PELI2: variants seen among roughly 807,000 people sequenced by gnomAD.
PELI2 encodes the protein pellino E3 ubiquitin protein ligase family member 2.
Under a neutral mutation model 42.3 loss-of-function variants are expected in PELI2, and 23 were observed. That is an observed-to-expected ratio of 0.54 (90% CI 0.39 to 0.77). The LOEUF (loss-of-function observed/expected upper bound fraction) is 0.77. Among genes scored for constraint, PELI2 ranks in the 30% least tolerant of loss-of-function variants. The pLI, the probability that PELI2 is intolerant of heterozygous loss-of-function variation, is 0.00. For synonymous variants in PELI2, 245 were observed against 212.2 expected (o/e 1.15, Z -1.34); for missense variants, 463 against 553.2 (o/e 0.84, Z 1.64).
At chr14:56,245,798 A>G (rs1044877020) in intron 2 of PELI2, among the ~76,000 whole-genome samples, 8 of 152,388 alleles carry the variant, frequency 5.2e-5, no homozygotes, top group Non-Finnish European at 1.2e-4. Flanking sequence ...TTGTATATCA[A>G]TAAGCATAAT....
At chr14:56,186,165 C>A (rs969322672) in intron 2 of PELI2, among the ~76,000 whole-genome samples, 1 of 152,088 alleles carries the variant, frequency 6.6e-6, no homozygotes, top group African/African-American at 2.4e-5. Context: ...GAGAGGGACT[C>A]CACCTGCTGC....
chr14:56,143,054 T>G (rs891785003), intron 1 of PELI2, among the ~76,000 whole-genome samples: 2 of 152,206 alleles, frequency 1.3e-5, no homozygotes, highest in Non-Finnish European at 2.9e-5. Flanking sequence ...AATCCTTTTT[T>G]TTTGGTTCCA....
chr14:56,202,167 T>C (rs999450333), intron 2 of PELI2, among the ~76,000 whole-genome samples: 18 of 152,228 alleles, frequency 1.2e-4, no homozygotes, highest in African/African-American at 4.1e-4. Context: ...TTTGTTGTTG[T>C]TGTTGTTGTT....
At chr14:56,172,679 G>A (rs575041625) in intron 1 of PELI2, among the ~76,000 whole-genome samples, 41 of 152,290 alleles carry the variant, frequency 2.7e-4, no homozygotes, top group Admixed American at 5.2e-4. Context: ...ATGGGTGTGG[G>A]TACTTTTCAA....
At chr14:56,126,105 CTTTTT>C (rs1282619616) in intron 1 of PELI2, among the ~76,000 whole-genome samples, 1 of 152,268 alleles carries the variant, frequency 6.6e-6, no homozygotes, top group Non-Finnish European at 1.5e-5. Context: ...GTTTGTTTTT[CTTTTT>C]GTCAGTCACC....
intron 2 of PELI2, among the ~76,000 whole-genome samples, chr14:56,215,949 A>G (rs1886893281): frequency 1.3e-5 from 2 of 152,244 alleles, no homozygotes; most frequent in African/African-American, 4.8e-5. Flanking sequence ...TGGAATATAT[A>G]TCACATTTAA....
chr14:56,266,037 T>TA (rs1269633072), intron 2 of PELI2, among the ~76,000 whole-genome samples: 3 of 151,968 alleles, frequency 2.0e-5, no homozygotes, highest in African/African-American at 7.2e-5. Context: ...TACTCTGCAA[T>TA]AAAAAAGCAG....
Position 56,268,373 on chromosome 14 carries a change from A to C in PELI2, c.208-11303A>C, listed in dbSNP as rs1235237644. ...AGAAGTAAATGTAGGATGTCACAGC[A>C]GGTGATTCATATGCATCCTTTAAAG... On this transcript the variant is annotated intron_variant, in intron 2 of 5. Transcript: ENST00000267460. 1.3e-5 allele frequency among the ~76,000 whole-genome samples: 2 copies of C among 152,210 alleles called. 1 individual carries two copies. The highest frequency in any genetic ancestry group is 2.9e-5 in the Non-Finnish European group (2 of 68,038).
At chr14:56,274,690 G>A (rs1300131277) in intron 2 of PELI2, among the ~76,000 whole-genome samples, 1 of 152,146 alleles carries the variant, frequency 6.6e-6, no homozygotes, top group African/African-American at 2.4e-5. Context: ...AGTTCTAACT[G>A]TTCTCATCCC....
chr14:56,164,101 G>A (rs189899549), intron 1 of PELI2, among the ~76,000 whole-genome samples: 5 of 152,050 alleles, frequency 3.3e-5, no homozygotes, highest in East Asian at 3.9e-4. Context: ...TAATGGTGGC[G>A]ACAGTGGGCA....
chr14:56,194,671 C>T (rs558859921), intron 2 of PELI2, among the ~76,000 whole-genome samples: 3 of 152,312 alleles, frequency 2.0e-5, no homozygotes, highest in South Asian at 2.1e-4. Flanking sequence ...CCCTTCACCC[C>T]GCTGAAAAGC....
chr14:56,146,419 C>T (rs1884119110), intron 1 of PELI2, among the ~76,000 whole-genome samples: 1 of 152,152 alleles, frequency 6.6e-6, no homozygotes, highest in Non-Finnish European at 1.5e-5. Flanking sequence ...CTTGGCGATG[C>T]ATTGGTTCAG....
chr14:56,192,793 G>C lies in PELI2; in HGVS notation c.207+14329G>C, dbSNP rs114662518. On this transcript the variant is annotated intron_variant, in intron 2 of 5. Transcript: ENST00000267460. ...TGTAAATCTTTAAGAATGGCACCTG[G>C]TGTGTTGTAAATGCTCAACAAATGT... is the stretch of plus-strand genomic sequence containing the variant. Among the ~76,000 whole-genome samples the C allele has an allele frequency of 7.3e-3, 1,114 of 152,292 alleles. 18 individuals are homozygous for C. Among genetic ancestry groups the C allele is most frequent in the African/African-American group, 0.025 (1,053 of 41,562 alleles).
intron 2 of PELI2, among the ~76,000 whole-genome samples, chr14:56,221,584 T>G (rs965820276): frequency 3.3e-5 from 5 of 152,236 alleles, no homozygotes; most frequent in African/African-American, 1.2e-4. Context: ...CTTATCACGA[T>G]GAGAGACTAG....
chr14:56,126,331 T>A (rs1883258535), intron 1 of PELI2, among the ~76,000 whole-genome samples: 1 of 152,178 alleles, frequency 6.6e-6, no homozygotes, highest in Non-Finnish European at 1.5e-5. Context: ...CAGGGGGCAT[T>A]TTCAGCAGCA....
intron 1 of PELI2, among the ~76,000 whole-genome samples, chr14:56,172,530 A>G (rs1885216664): frequency 6.6e-6 from 1 of 152,152 alleles, no homozygotes; most frequent in Non-Finnish European, 1.5e-5. Context: ...TTGATAGGAG[A>G]GCGGCTGGGA....
chr14:56,128,653 G>T (rs17091062), intron 1 of PELI2, among the ~76,000 whole-genome samples: 11,115 of 152,110 alleles, frequency 0.073, 548 homozygotes, highest in East Asian at 0.23. Flanking sequence ...ACCTTGAGGG[G>T]TATGGCTGGA....
intron 1 of PELI2, among the ~76,000 whole-genome samples, chr14:56,167,168 C>T (rs1387936109): frequency 1.3e-5 from 2 of 152,172 alleles, no homozygotes; most frequent in African/African-American, 4.8e-5. Flanking sequence ...ATTAAATCTG[C>T]TTAGTGTTCT....
At chr14:56,125,306 CT>C (rs1392946359) in intron 1 of PELI2, among the ~76,000 whole-genome samples, 1 of 150,162 alleles carries the variant, frequency 6.7e-6, no homozygotes, top group African/African-American at 2.5e-5. Flanking sequence ...TGGAGCTTAC[CT>C]TTTTTTGAGA....
Sources: allele counts gnomAD v4.1 joint callset (sites outside exome capture counted in the v4.1 genomes callset), GRCh38; gene constraint gnomAD v4.1.1; transcripts MANE v1.5; gene names NCBI Gene and HGNC (gene_info 2026-07-23, HGNC 2026-07-21).